Variants in SPPL3 observed in about 807,000 individuals in gnomAD.
SPPL3 encodes signal peptide peptidase-like 3.
A neutral mutation model predicts 42.4 loss-of-function variants in SPPL3; 5 were observed. That is an observed-to-expected ratio of 0.12 (90% CI 0.06 to 0.25). The LOEUF is 0.25. SPPL3 is among the 10% of genes least tolerant of loss of function. The pLI, the probability that SPPL3 is intolerant of heterozygous loss-of-function variation, is 1.00. For missense variants in SPPL3, 235 were observed against 489.0 expected, an observed-to-expected ratio of 0.48 and a Z score of 4.90; for synonymous variants, 195 against 181.8, an observed-to-expected ratio of 1.07 and a Z score of -0.58.
At chr12:120,848,817 G>C (rs1872128843) in intron 1 of SPPL3, among the ~76,000 whole-genome samples, 1 of 151,946 alleles carries the variant, frequency 6.6e-6, no homozygotes, top group African/African-American at 2.4e-5. Flanking sequence ...AAATAGTAAG[G>C]ACAAAAATGC....
At chr12:120,876,175 C>T (rs897206852) in intron 1 of SPPL3, among the ~76,000 whole-genome samples, 11 of 152,250 alleles carry the variant, frequency 7.2e-5, no homozygotes, top group African/African-American at 2.2e-4. Context: ...AACACACAAC[C>T]TCCATCCCTC....
chr12:120,838,224 T>G (rs1234685568), intron 1 of SPPL3, among the ~76,000 whole-genome samples: 1 of 152,200 alleles, frequency 6.6e-6, no homozygotes, highest in Non-Finnish European at 1.5e-5. Context: ...ATTTGGTAGG[T>G]TATCAGATAC....
intron 1 of SPPL3, among the ~76,000 whole-genome samples, chr12:120,861,824 A>G (rs1189777283): frequency 6.6e-6 from 1 of 152,224 alleles, no homozygotes; most frequent in Non-Finnish European, 1.5e-5. Flanking sequence ...CTGAGATACC[A>G]AAAGGAGAGA....
At chr12:120,892,026 C>T (rs1027665780) in intron 1 of SPPL3, among the ~76,000 whole-genome samples, 4 of 152,138 alleles carry the variant, frequency 2.6e-5, no homozygotes, top group African/African-American at 9.7e-5. Flanking sequence ...GGACATAACA[C>T]TTGAACCAAC....
intron 3 of SPPL3, among the ~76,000 whole-genome samples, chr12:120,785,313 C>T (rs1288367516): frequency 2.0e-5 from 3 of 151,758 alleles, no homozygotes; most frequent in Admixed American, 1.3e-4. Context: ...GAGATGAATA[C>T]GGGAAAATAA....
intron 1 of SPPL3, among the ~76,000 whole-genome samples, chr12:120,876,693 T>G (rs958333960): frequency 6.7e-6 from 1 of 149,854 alleles, no homozygotes; most frequent in South Asian, 2.1e-4. Flanking sequence ...ATGTACAGTA[T>G]GTACAGCATG....
intron 1 of SPPL3, among the ~76,000 whole-genome samples, chr12:120,898,544 T>A (rs1180085277): frequency 6.6e-6 from 1 of 152,028 alleles, no homozygotes; most frequent in Admixed American, 6.6e-5. Flanking sequence ...CCCATACTTT[T>A]AAGCAGAGAA....
chr12:120,873,924 A>T (rs1044522580), intron 1 of SPPL3, among the ~76,000 whole-genome samples: 1 of 152,114 alleles, frequency 6.6e-6, no homozygotes, highest in Admixed American at 6.5e-5. Context: ...ATCATGCAGC[A>T]AGAAGAAAAT....
intron 2 of SPPL3, among the ~76,000 whole-genome samples, chr12:120,793,313 C>G (rs1476892398): frequency 6.6e-6 from 1 of 152,264 alleles, no homozygotes; most frequent in South Asian, 2.1e-4. Context: ...GTGGGCAACA[C>G]AGTGAGACCC....
At chr12:120,811,689 G>C (rs1247160138) in intron 1 of SPPL3, among the ~76,000 whole-genome samples, 1 of 152,040 alleles carries the variant, frequency 6.6e-6, no homozygotes, top group Non-Finnish European at 1.5e-5. Context: ...CAGGCTTTTT[G>C]TTGTTGTTGT....
rs1452229967 is a variant in SPPL3 at position 120,884,120 on chromosome 12, AT to A, written c.23+19724del. 1.2e-3 allele frequency among the ~76,000 whole-genome samples: 152 copies of A among 128,934 alleles called. 1 individual carries two copies. The highest frequency in any genetic ancestry group is 1.7e-3 in the Non-Finnish European group (100 of 59,908). The allele number at this position is 128,934 out of a possible 152,430, so 84.6% of individuals were successfully genotyped here. ...ATGTCTCAAAAAAAAAAAAAAAAAA[AT>A]GCAGATGTAAATCTAGTTTTTTTAA... On this transcript the variant is annotated intron_variant, in intron 1 of 10. Transcript: ENST00000353487.
chr12:120,859,451 AAG>A (rs1471799905), intron 1 of SPPL3, among the ~76,000 whole-genome samples: 8 of 152,302 alleles, frequency 5.3e-5, no homozygotes, highest in African/African-American at 1.9e-4. Context: ...GCAATAACTG[AAG>A]TTAAGAATTG....
chr12:120,770,133 T>G (rs1171557274), intron 6 of SPPL3: 1 of 152,198 alleles, frequency 6.6e-6, no homozygotes, highest in Non-Finnish European at 1.5e-5. Context: ...CTTCAGCCTC[T>G]GCCTCCTGGG....
intron 2 of SPPL3, among the ~76,000 whole-genome samples, chr12:120,798,703 T>C (rs942666458): frequency 2.0e-5 from 3 of 152,224 alleles, no homozygotes; most frequent in African/African-American, 7.2e-5. Context: ...GGAATAACAA[T>C]AACTACACTT....
At chr12:120,850,783 T>C (rs1189367792) in intron 1 of SPPL3, among the ~76,000 whole-genome samples, 1 of 152,216 alleles carries the variant, frequency 6.6e-6, no homozygotes, top group Non-Finnish European at 1.5e-5. Flanking sequence ...GAATGTGTCC[T>C]TGCCTTTTTC....
At chr12:120,806,787 C>T (rs564833400) in intron 2 of SPPL3, among the ~76,000 whole-genome samples, 1 of 151,344 alleles carries the variant, frequency 6.6e-6, no homozygotes, top group East Asian at 2.0e-4. Context: ...GCAGAGCTTG[C>T]AGCGAGCTGA....
chr12:120,803,931 TGTGAACCATAGTGACACTTGTTCTG>T (rs1356781399), intron 2 of SPPL3, among the ~76,000 whole-genome samples: 1 of 152,188 alleles, frequency 6.6e-6, no homozygotes, highest in Non-Finnish European at 1.5e-5. Context: ...TCATGACAAT[TGTGAACCATAGTGACACTTGTTCTG>T]GTGAACCATG....
chr12:120,828,296 A>G (rs1265159140), intron 1 of SPPL3, among the ~76,000 whole-genome samples: 1 of 152,202 alleles, frequency 6.6e-6, no homozygotes, highest in Non-Finnish European at 1.5e-5. Context: ...AACAAAACAT[A>G]TCAAAATATG....
At chr12:120,788,131 CG>C (rs1869785834) in intron 3 of SPPL3, among the ~76,000 whole-genome samples, 1 of 152,182 alleles carries the variant, frequency 6.6e-6, no homozygotes, top group Non-Finnish European at 1.5e-5. Context: ...TCTCCAGTAA[CG>C]CAAGAGGGCT....
Sources: gnomAD v4.1 joint callset for allele counts (sites outside exome capture counted in the v4.1 genomes callset) on GRCh38, gnomAD v4.1.1 for gene constraint, MANE v1.5 for transcripts, NCBI Gene and HGNC (gene_info 2026-07-23, HGNC 2026-07-21) for gene names.